The following NOX4 variants were observed in gnomAD, a reference collection of about 807,000 sequenced individuals.
NOX4 encodes kidney oxidase-1.
NOX4 carries 69 observed loss-of-function variants against 87.6 expected under a neutral mutation model. The observed-to-expected ratio is 0.79, with a 90% CI of 0.65 to 0.96. NOX4 has a LOEUF of 0.96. Among genes scored for constraint, NOX4 ranks in the 40% least tolerant of loss-of-function variants. NOX4 has a pLI of 0.00. For synonymous variants in NOX4, 275 were observed against 238.2 expected, an observed-to-expected ratio of 1.15 and a Z score of -1.42; for missense variants, 680 against 681.5, an observed-to-expected ratio of 1.00 and a Z score of 0.02.
the NOX4 span, among the ~76,000 whole-genome samples, chr11:89,553,491 T>C: frequency 1.3e-5 from 2 of 152,172 alleles, no homozygotes; most frequent in Non-Finnish European, 2.9e-5. Flanking sequence ...CAGGTATTCT[T>C]TATAGCAGTG....
chr11:89,530,468 G>A, the NOX4 span, among the ~76,000 whole-genome samples: 1 of 149,298 alleles, frequency 6.7e-6, no homozygotes. Flanking sequence ...TCAGCCTCCC[G>A]AGTAGCTGGA....
chr11:89,535,404 A>AT, the NOX4 span, among the ~76,000 whole-genome samples: 1 of 152,228 alleles, frequency 6.6e-6, no homozygotes, highest in African/African-American at 2.4e-5. Context: ...ACTCTCACTG[A>AT]TTTTTCAGTG....
chr11:89,549,665 A>G, the NOX4 span, among the ~76,000 whole-genome samples: 131 of 151,988 alleles, frequency 8.6e-4, no homozygotes, highest in African/African-American at 3.1e-3. Flanking sequence ...AACAGGCCCC[A>G]GTGTGTGATG....
intron 6 of NOX4, 77 bp from the exon 7 acceptor site, chr11:89,432,933 C>G: frequency 1.1e-6 from 1 of 945,178 alleles, no homozygotes; most frequent in Non-Finnish European, 1.7e-6. Flanking sequence ...ATATTAGAAT[C>G]CGAAATACTG....
At chr11:89,491,554 C>T (rs887888408), upstream of NOX4, 3 of 394,794 alleles carry the variant, frequency 7.6e-6, no homozygotes, top group Admixed American at 9.6e-5. Context: ...CGCGCCGGCC[C>T]CTTTGTCTAG....
chr11:89,328,611 G>T lies in NOX4; in HGVS notation c.1617-1735C>A, dbSNP rs991269691. Among the ~76,000 whole-genome samples, 36 of 152,142 alleles carry T rather than the reference G, an allele frequency of 2.4e-4. No individual in the cohort carries two copies. In the Middle Eastern group the frequency reaches 0.014, roughly 57 times the overall value. On this transcript the variant is annotated intron_variant, in intron 17 of 17. Coordinates refer to ENST00000263317, the MANE Select transcript of NOX4 (RefSeq NM_016931.5). ...AAAATGTACAGAAATCAACAAAAAA[G>T]TACCAGGAATTCAAAAAGCAAGAAA...
At chr11:89,478,855 T>C (rs1946274531) in intron 2 of NOX4, among the ~76,000 whole-genome samples, 1 of 152,132 alleles carries the variant, frequency 6.6e-6, no homozygotes, top group Non-Finnish European at 1.5e-5. Flanking sequence ...GTTAGTTCAG[T>C]GATGGGTTCT....
chr11:89,497,203 G>T (rs774392233), upstream of NOX4, among the ~76,000 whole-genome samples: 2 of 152,144 alleles, frequency 1.3e-5, no homozygotes, highest in Non-Finnish European at 2.9e-5. Flanking sequence ...TATTGTTTAT[G>T]ATATCATTTG....
chr11:89,503,396 G>T, the NOX4 span, among the ~76,000 whole-genome samples: 1 of 151,904 alleles, frequency 6.6e-6, no homozygotes, highest in East Asian at 1.9e-4. Flanking sequence ...TATGCATGGG[G>T]AACATTGGAA....
intron 2 of NOX4, among the ~76,000 whole-genome samples, chr11:89,452,817 C>G (rs112881942): frequency 0.014 from 2,113 of 152,150 alleles, 52 homozygotes; most frequent in African/African-American, 0.049. Flanking sequence ...TAGGTTCAAG[C>G]TATCCTCCTG....
At chr11:89,364,276 GTATA>G (rs1046978415) in intron 12 of NOX4, among the ~76,000 whole-genome samples, 1 of 151,666 alleles carries the variant, frequency 6.6e-6, no homozygotes, top group African/African-American at 2.4e-5. Context: ...CTGTTTGTGT[GTATA>G]TATATGTTTA....
the NOX4 span, among the ~76,000 whole-genome samples, chr11:89,536,665 A>G: frequency 6.6e-6 from 1 of 151,970 alleles, no homozygotes; most frequent in Non-Finnish European, 1.5e-5. Flanking sequence ...TATTATTACT[A>G]CTTCTTCTTT....
the NOX4 span, among the ~76,000 whole-genome samples, chr11:89,524,849 T>C: frequency 3.9e-5 from 6 of 152,080 alleles, no homozygotes; most frequent in South Asian, 8.3e-4. Flanking sequence ...CCCTGTGCTA[T>C]TTCCAATTAA....
chr11:89,531,763 A>C, the NOX4 span, among the ~76,000 whole-genome samples: 7 of 152,234 alleles, frequency 4.6e-5, no homozygotes, highest in Non-Finnish European at 1.0e-4. Flanking sequence ...AGATATTCAC[A>C]GCAGCCCCTC....
the NOX4 span, among the ~76,000 whole-genome samples, chr11:89,544,230 T>C: frequency 2.6e-5 from 4 of 152,114 alleles, no homozygotes; most frequent in Admixed American, 1.3e-4. Flanking sequence ...TGCTTAAATG[T>C]TTTTTTCCTC....
intron 5 of NOX4, 35 bp from the exon 6 acceptor site, chr11:89,440,750 C>T (rs1354248059): frequency 8.1e-7 from 1 of 1,239,066 alleles, no homozygotes; most frequent in African/African-American, 1.5e-5. Context: ...TGATTAAAAA[C>T]TAAAGCACTG....
intron 6 of NOX4, among the ~76,000 whole-genome samples, chr11:89,438,857 ATT>A (rs1565293672): frequency 6.2e-3 from 58 of 9,424 alleles, no homozygotes; most frequent in Middle Eastern, 0.12. Context: ...TATATAATAT[ATT>A]ATATATTATA....
the NOX4 span, among the ~76,000 whole-genome samples, chr11:89,517,381 T>A: frequency 6.6e-6 from 1 of 152,228 alleles, no homozygotes; most frequent in Non-Finnish European, 1.5e-5. Context: ...TAAACATTAC[T>A]TGACCAAGCA....
At chr11:89,555,844 A>T in the NOX4 span, among the ~76,000 whole-genome samples, 1 of 152,196 alleles carries the variant, frequency 6.6e-6, no homozygotes, top group Non-Finnish European at 1.5e-5. Flanking sequence ...TCTGCAAATA[A>T]ATATATGCAG....
Sources: allele counts gnomAD v4.1 joint callset (sites outside exome capture counted in the v4.1 genomes callset), GRCh38; gene constraint gnomAD v4.1.1; transcripts MANE v1.5; gene names NCBI Gene and HGNC (gene_info 2026-07-23, HGNC 2026-07-21).